PDGFRA: variants seen among roughly 807,000 people sequenced by gnomAD.
PDGFRA encodes the protein platelet-derived growth factor receptor alpha.
A neutral mutation model predicts 121.5 loss-of-function variants in PDGFRA; 25 were observed. That is an observed-to-expected ratio of 0.21 (90% CI 0.15 to 0.29). The LOEUF (loss-of-function observed/expected upper bound fraction) is 0.29, where lower values mean the gene tolerates loss of function less well. Among genes scored for constraint, PDGFRA ranks in the 10% least tolerant of loss-of-function variants. The pLI is 1.00. For synonymous variants in PDGFRA, 463 were observed against 494.8 expected (o/e 0.94, Z 0.85); for missense variants, 1,008 against 1,345.1 (o/e 0.75, Z 3.92).
At chr4:54,294,889 A>G (rs1724800445) in intron 22 of PDGFRA, among the ~76,000 whole-genome samples, 1 of 152,162 alleles carries the variant, frequency 6.6e-6, no homozygotes, top group Non-Finnish European at 1.5e-5. Flanking sequence ...GCAGCTTGTC[A>G]GTAACTTTGA....
rs1162814935 is a variant in PDGFRA, at chr4:54,267,606, T to C, written c.986T>C (p.Leu329Pro). Residue 329 changes from leucine (L) to proline (P), a missense_variant, in exon 7 of 23, where the codon CTG becomes CCG. Physicochemically the swap from Leu to Pro is moderately conservative, Grantham distance 98. Transcript: ENST00000257290. ...PTFSQLEAVNLHEVKHFVVEV... is the reference protein window; with the variant it reads ...PTFSQLEAVNPHEVKHFVVEV... ...TTCAGCCAGTTGGAAGCTGTCAACC[T>C]GCATGAAGTCAAACATTTTGTTGTA... 5.6e-6 allele frequency: 9 copies of C among 1,614,100 alleles called. No individual in the cohort carries two copies. Among genetic ancestry groups the C allele is most frequent in the Non-Finnish European group, 7.6e-6 (9 of 1,180,052 alleles).
At chr4:54,277,120 C>CGCTCACACCAGGGAGGGCT (rs576730135) in intron 12 of PDGFRA, 211 of 491,920 alleles carry the variant, frequency 4.3e-4, no homozygotes, top group African/African-American at 3.9e-3. Flanking sequence ...GTAGACAGCG[C>CGCTCACACCAGGGAGGGCT]GCTCACACCA....
At chr4:54,251,177 T>A (rs1393402579) in intron 1 of PDGFRA, among the ~76,000 whole-genome samples, 5 of 151,632 alleles carry the variant, frequency 3.3e-5, no homozygotes, top group South Asian at 4.2e-4. Flanking sequence ...TCATAAGGAA[T>A]GTGGCCCAAT....
At chr4:54,250,852 G>A (rs1471361627) in intron 1 of PDGFRA, among the ~76,000 whole-genome samples, 3 of 152,076 alleles carry the variant, frequency 2.0e-5, no homozygotes, top group African/African-American at 4.8e-5. Context: ...ATCACGTGGG[G>A]TCAGGAGTTC....
intron 8 of PDGFRA, among the ~76,000 whole-genome samples, chr4:54,271,997 T>C (rs1360742204): frequency 6.5e-5 from 1 of 15,362 alleles, no homozygotes; most frequent in South Asian, 5.1e-3. Context: ...CCCTCCCCCC[T>C]CCCCCCCTCC....
At chr4:54,279,902 T>TTATATATA (rs34230327) in intron 15 of PDGFRA, among the ~76,000 whole-genome samples, 16 of 147,606 alleles carry the variant, frequency 1.1e-4, no homozygotes, top group African/African-American at 2.8e-4. Context: ...TATAGCTGAG[T>TTATATATA]TACATATATA....
At chr4:54,238,805 A>T (rs536647469) in intron 1 of PDGFRA, among the ~76,000 whole-genome samples, 1 of 152,246 alleles carries the variant, frequency 6.6e-6, no homozygotes, top group South Asian at 2.1e-4. Flanking sequence ...GTCTCTACAA[A>T]CAATAATTTT....
intron 2 of PDGFRA, among the ~76,000 whole-genome samples, chr4:54,260,397 GTTTTTTTTT>G (rs68009440): frequency 1.1e-4 from 7 of 64,564 alleles, no homozygotes; most frequent in African/African-American, 3.4e-4. Context: ...TTCCATGTGG[GTTTTTTTTT>G]TTTTTTTTTT....
chr4:54,243,211 A>G (rs1405698166), intron 1 of PDGFRA, among the ~76,000 whole-genome samples: 1 of 152,204 alleles, frequency 6.6e-6, no homozygotes, highest in Admixed American at 6.5e-5. Flanking sequence ...CGCATAGTGC[A>G]CTTCTATGCA....
rs756055115 is a variant in PDGFRA at position 54,278,490 on chromosome 4, A to G, written c.2131A>G (p.Asn711Asp). 1.1e-5 allele frequency: 18 copies of G among 1,613,972 alleles called. No individual in the cohort carries two copies. In the South Asian group the frequency reaches 1.9e-4, roughly 17 times the overall value. The change falls in exon 15 of 23, where the codon AAC becomes GAC. Residue 711 changes from asparagine to aspartate, a missense_variant. Asn to Asp is a conservative substitution (Grantham distance 23). Transcript: ENST00000257290. ...PKKELDIFGL[N>D]PADESTRSYV... is the part of the protein sequence containing the mutation. ...GAAAGAGCTGGATATCTTTGGATTG[A>G]ACCCTGCTGATGAAAGCACACGGAG...
rs750991468 is a variant in PDGFRA, at chr4:54,296,939, A to G, written c.*1667A>G. The stretch of plus-strand genomic sequence containing the variant: ...TGGTTTTGACAGGTTTTCCAAAAGT[A>G]AAGATGCTACTTCCCACTGTATGGG... On this transcript the variant is annotated 3_prime_UTR_variant, in exon 23 of 23. Coordinates refer to ENST00000257290, the MANE Select transcript of PDGFRA (RefSeq NM_006206.6). The G allele has an allele frequency of 1.7e-5, 4 of 233,096 alleles. No homozygotes were observed. Among genetic ancestry groups the G allele is most frequent in the Non-Finnish European group, 2.5e-5 (3 of 118,000 alleles). The allele number at this position is 233,096 out of a possible 1,614,324, so 14.4% of individuals were successfully genotyped here.
At chr4:54,238,974 A>G (rs1450222207) in intron 1 of PDGFRA, among the ~76,000 whole-genome samples, 2 of 152,134 alleles carry the variant, frequency 1.3e-5, no homozygotes, top group Non-Finnish European at 2.9e-5. Context: ...CCCTGTCTCA[A>G]AAATAGATAA....
chr4:54,261,040 G>A (rs1722672357), intron 2 of PDGFRA, 55 bp from the exon 3 acceptor site: 1 of 1,496,144 alleles, frequency 6.7e-7, no homozygotes, highest in African/African-American at 1.4e-5. Flanking sequence ...TCAGTTGTCG[G>A]GATGAGACTG....
Position 54,243,901 on chromosome 4 carries a change from C to A in PDGFRA, c.-13+14486C>A, listed in dbSNP as rs550194015. ...TCCGACGGGCTTAAAAAAAGGCACA[C>A]CAGGAGATTATATCCCGCACATGGC... On this transcript the variant is annotated intron_variant, in intron 1 of 22. Transcript: ENST00000257290. Among the ~76,000 whole-genome samples, 13 of 152,286 alleles carry A rather than the reference C, an allele frequency of 8.5e-5. No individual in the cohort carries two copies. In the East Asian group the frequency reaches 2.5e-3, roughly 29 times the overall value.
intron 15 of PDGFRA, chr4:54,278,765 T>G (rs1723903576): frequency 1.6e-6 from 1 of 634,592 alleles, no homozygotes; most frequent in African/African-American, 1.8e-5. Flanking sequence ...TTAGAATGAC[T>G]CTGGGAGCTC....
chr4:54,244,659 G>A (rs1050278313), intron 1 of PDGFRA, among the ~76,000 whole-genome samples: 29 of 152,314 alleles, frequency 1.9e-4, no homozygotes, highest in East Asian at 3.9e-4. Context: ...AAAGCAGAGC[G>A]CCTCTCCTCC....
In PDGFRA at chr4:54,243,922, A is replaced by C. The variant is rs148661432; in HGVS notation, c.-13+14507A>C. Among the ~76,000 whole-genome samples, 1,181 of 152,312 alleles carry C rather than the reference A, an allele frequency of 7.8e-3. 17 individuals carry two copies. The highest frequency in any genetic ancestry group is 0.026 in the African/African-American group (1,097 of 41,582). ...CACACCAGGAGATTATATCCCGCACATGGCTCAGAGGGTCCTACGCCCACA... is the reference window on the plus strand; with the variant it reads ...CACACCAGGAGATTATATCCCGCACCTGGCTCAGAGGGTCCTACGCCCACA... On this transcript the variant is annotated intron_variant, in intron 1 of 22. Transcript: ENST00000257290.
At chr4:54,252,432 T>A (rs748916415) in intron 1 of PDGFRA, among the ~76,000 whole-genome samples, 1 of 152,216 alleles carries the variant, frequency 6.6e-6, no homozygotes, top group Non-Finnish European at 1.5e-5. Flanking sequence ...CTCAGAGTTA[T>A]GATTTGTCCT....
intron 22 of PDGFRA, among the ~76,000 whole-genome samples, chr4:54,292,198 A>G (rs535041893): frequency 1.3e-5 from 2 of 152,192 alleles, no homozygotes; most frequent in Non-Finnish European, 2.9e-5. Flanking sequence ...AAATCATTCT[A>G]TTATAAAGGC....
Sources: allele counts gnomAD v4.1 joint callset (sites outside exome capture counted in the v4.1 genomes callset), GRCh38; gene constraint gnomAD v4.1.1; transcripts MANE v1.5; gene names NCBI Gene and HGNC (gene_info 2026-07-23, HGNC 2026-07-21).